The following LHFPL6 variants were observed in gnomAD, a reference collection of about 807,000 sequenced individuals.
LHFPL6 encodes the protein LHFPL tetraspan subfamily member 6.
In LHFPL6, 9 loss-of-function variants were observed where a neutral mutation model predicts 20.6. The observed-to-expected ratio is 0.44, with a 90% CI of 0.26 to 0.76. The LOEUF (loss-of-function observed/expected upper bound fraction) is 0.76, where lower values mean the gene tolerates loss of function less well. LHFPL6 is among the 30% of genes least tolerant of loss of function. LHFPL6 has a pLI of 0.20. For missense variants in LHFPL6, 218 were observed against 253.5 expected, an observed-to-expected ratio of 0.86 and a Z score of 0.95; for synonymous variants, 105 against 98.7, an observed-to-expected ratio of 1.06 and a Z score of -0.38.
At chr13:39,525,146 G>A (rs903828861) in intron 2 of LHFPL6, among the ~76,000 whole-genome samples, 1 of 152,144 alleles carries the variant, frequency 6.6e-6, no homozygotes, top group Non-Finnish European at 1.5e-5. Flanking sequence ...ACAGTCCACG[G>A]GCAGAAGGTG....
At chr13:39,529,358 C>T (rs1870391626) in intron 2 of LHFPL6, among the ~76,000 whole-genome samples, 1 of 152,146 alleles carries the variant, frequency 6.6e-6, no homozygotes, top group Non-Finnish European at 1.5e-5. Flanking sequence ...TCCCAAAGTG[C>T]TGGGATTACA....
intron 1 of LHFPL6, among the ~76,000 whole-genome samples, 169 bp downstream of exon 1, chr13:39,602,714 G>A (rs147780302): frequency 6.6e-6 from 1 of 152,334 alleles, no homozygotes; most frequent in Non-Finnish European, 1.5e-5. Flanking sequence ...AGCACCCCCC[G>A]GAGGCAGACG....
rs1479070132 is a variant in LHFPL6 at position 39,562,439 on chromosome 13, C to T, written c.385+38393G>A. Among the ~76,000 whole-genome samples, 743 of 93,670 alleles carry T rather than the reference C, an allele frequency of 7.9e-3. 6 individuals carry two copies. The highest frequency in any genetic ancestry group is 0.023 in the Admixed American group (202 of 8,850). The allele number at this position is 93,670 out of a possible 152,430, so 61.5% of individuals were successfully genotyped here. The stretch of plus-strand genomic sequence containing the variant: ...ACACATATACATATATACATATATA[C>T]ATATATACACATATATACATATATA... On this transcript the variant is annotated intron_variant, in intron 2 of 3. Coordinates refer to ENST00000379589, the MANE Select transcript of LHFPL6 (RefSeq NM_005780.3).
intron 3 of LHFPL6, among the ~76,000 whole-genome samples, chr13:39,351,904 T>C (rs1278065361): frequency 6.6e-6 from 1 of 152,234 alleles, no homozygotes; most frequent in Non-Finnish European, 1.5e-5. Context: ...GTACTGACCA[T>C]GAGGCACCCC....
intron 2 of LHFPL6, among the ~76,000 whole-genome samples, chr13:39,550,744 T>C (rs1022723553): frequency 3.9e-5 from 6 of 152,150 alleles, no homozygotes; most frequent in African/African-American, 1.4e-4. Flanking sequence ...TCAGTTTACA[T>C]ACGCTTATTA....
At chr13:39,559,853 C>G (rs933783932) in intron 2 of LHFPL6, among the ~76,000 whole-genome samples, 1 of 152,176 alleles carries the variant, frequency 6.6e-6, no homozygotes, top group South Asian at 2.1e-4. Context: ...GGGAGTACTA[C>G]GGCAGTCCCC....
intron 2 of LHFPL6, among the ~76,000 whole-genome samples, chr13:39,484,301 C>T (rs1485396992): frequency 6.6e-6 from 1 of 152,188 alleles, no homozygotes; most frequent in East Asian, 1.9e-4. Flanking sequence ...AGAGTAGGCA[C>T]CACCATCTAT....
In LHFPL6 at chr13:39,361,313, ATTTTTTTTAT is replaced by A. The variant is rs1566093530; in HGVS notation, c.484+17105_484+17114del. The stretch of plus-strand genomic sequence containing the variant: ...TTGAGCCTCTGAAGAATTTTTTTTA[ATTTTTTTTAT>A]TTTTTTTTATTTTGAGATGGAGTCT... On this transcript the variant is annotated intron_variant, in intron 3 of 3. Coordinates refer to ENST00000379589, the MANE Select transcript of LHFPL6 (RefSeq NM_005780.3). Among the ~76,000 whole-genome samples the A allele has an allele frequency of 5.7e-5, 2 of 35,130 alleles. 1 individual carries two copies. Among genetic ancestry groups the A allele is most frequent in the Admixed American group, 7.7e-4 (2 of 2,594 alleles). The allele number at this position is 35,130 out of a possible 152,430, so 23.0% of individuals were successfully genotyped here.
At chr13:39,440,867 G>T (rs1160950726) in intron 2 of LHFPL6, among the ~76,000 whole-genome samples, 1 of 152,102 alleles carries the variant, frequency 6.6e-6, no homozygotes, top group Non-Finnish European at 1.5e-5. Context: ...TCATGATAGT[G>T]AATGAGTCTC....
At chr13:39,589,176 G>A (rs988773077) in intron 2 of LHFPL6, among the ~76,000 whole-genome samples, 16 of 152,002 alleles carry the variant, frequency 1.1e-4, no homozygotes, top group Non-Finnish European at 1.6e-4. Context: ...GCGCCACCTC[G>A]GTTCACTGCA....
chr13:39,492,137 T>A (rs1868946396), intron 2 of LHFPL6, among the ~76,000 whole-genome samples: 1 of 152,228 alleles, frequency 6.6e-6, no homozygotes, highest in Non-Finnish European at 1.5e-5. Context: ...ATGAATGAGT[T>A]AATGAATGAG....
chr13:39,438,823 G>A (rs1005575806), intron 2 of LHFPL6, among the ~76,000 whole-genome samples: 1 of 152,236 alleles, frequency 6.6e-6, no homozygotes, highest in Non-Finnish European at 1.5e-5. Flanking sequence ...CAGAGTACAA[G>A]AGTTGAGGTT....
intron 3 of LHFPL6, among the ~76,000 whole-genome samples, chr13:39,370,988 G>C (rs577585545): frequency 1.3e-5 from 2 of 152,330 alleles, no homozygotes; most frequent in East Asian, 3.9e-4. Flanking sequence ...GACGGCATGA[G>C]TCAGGAGTCA....
intron 2 of LHFPL6, among the ~76,000 whole-genome samples, chr13:39,504,829 C>G (rs7981363): frequency 6.6e-6 from 1 of 152,048 alleles, no homozygotes; most frequent in Non-Finnish European, 1.5e-5. Flanking sequence ...AGCATATTCC[C>G]CTACATCTTT....
At chr13:39,504,427 T>A (rs376750017) in intron 2 of LHFPL6, among the ~76,000 whole-genome samples, 19 of 152,206 alleles carry the variant, frequency 1.2e-4, no homozygotes, top group African/African-American at 4.3e-4. Flanking sequence ...TTACTAGAGC[T>A]CACATATGAA....
At chr13:39,554,897 C>T (rs1871257274) in intron 2 of LHFPL6, among the ~76,000 whole-genome samples, 1 of 152,172 alleles carries the variant, frequency 6.6e-6, no homozygotes, top group African/African-American at 2.4e-5. Flanking sequence ...GCATATGAAC[C>T]TTTGCATCCC....
chr13:39,540,169 A>G (rs958217398), intron 2 of LHFPL6, among the ~76,000 whole-genome samples: 1 of 152,176 alleles, frequency 6.6e-6, no homozygotes, highest in Non-Finnish European at 1.5e-5. Context: ...AGGTCATAAA[A>G]GCAGTTGAAA....
intron 2 of LHFPL6, among the ~76,000 whole-genome samples, chr13:39,553,195 G>T (rs187961912): frequency 6.6e-5 from 10 of 152,194 alleles, no homozygotes; most frequent in African/African-American, 2.4e-4. Context: ...ACAATTAATG[G>T]AATACAATTT....
At chr13:39,507,782 A>G (rs1020276805) in intron 2 of LHFPL6, among the ~76,000 whole-genome samples, 2 of 152,094 alleles carry the variant, frequency 1.3e-5, no homozygotes, top group African/African-American at 4.8e-5. Context: ...GAAAAGAAAA[A>G]CTGAGTTCAG....
Sources: gnomAD v4.1 joint callset for allele counts (sites outside exome capture counted in the v4.1 genomes callset) on GRCh38, gnomAD v4.1.1 for gene constraint, MANE v1.5 for transcripts, NCBI Gene and HGNC (gene_info 2026-07-23, HGNC 2026-07-21) for gene names.